The following PARP4 variants were observed in gnomAD, a reference collection of about 807,000 sequenced individuals.
The protein encoded by PARP4 is poly(ADP-ribose) polymerase family member 4, also known as protein mono-ADP-ribosyltransferase PARP4.
Under a neutral mutation model 187.7 loss-of-function variants are expected in PARP4, and 120 were observed. That is an observed-to-expected ratio of 0.64 (90% CI 0.55 to 0.74). The LOEUF is 0.74. Among genes scored for constraint, PARP4 ranks in the 30% least tolerant of loss-of-function variants. The pLI is 0.00. For synonymous variants in PARP4, 654 were observed against 740.9 expected, an observed-to-expected ratio of 0.88 and a Z score of 1.90; for missense variants, 1,836 against 2,070.5, an observed-to-expected ratio of 0.89 and a Z score of 2.20.
intron 32 of PARP4, among the ~76,000 whole-genome samples, chr13:24,430,729 G>A (rs1299877321): frequency 6.6e-6 from 1 of 152,064 alleles, no homozygotes; most frequent in Non-Finnish European, 1.5e-5. Flanking sequence ...GGTCAAGGAT[G>A]CTCAGGACTT....
At chr13:24,497,746 TTAAG>T (rs537042929) in intron 6 of PARP4, among the ~76,000 whole-genome samples, 30 of 152,172 alleles carry the variant, frequency 2.0e-4, no homozygotes, top group East Asian at 3.9e-4. Context: ...AATTGATTAA[TTAAG>T]TGAGATCATA....
chr13:24,446,307 T>G (rs1304731558), intron 27 of PARP4, among the ~76,000 whole-genome samples: 6 of 152,164 alleles, frequency 3.9e-5, no homozygotes, highest in Non-Finnish European at 7.3e-5. Flanking sequence ...CATTAGAAAC[T>G]GAAGGAAAGT....
At chr13:24,500,505 A>G in intron 3 of PARP4, 123 bp from the exon 4 acceptor site, 1 of 517,256 alleles carries the variant, frequency 1.9e-6, no homozygotes, top group Non-Finnish European at 3.4e-6. Flanking sequence ...AATTTTGGTG[A>G]TCAAAGGATA....
intron 12 of PARP4, 63 bp downstream of exon 12, chr13:24,484,590 A>C (rs758770470): frequency 6.3e-6 from 7 of 1,114,078 alleles, no homozygotes; most frequent in Non-Finnish European, 9.6e-6. Context: ...TCACCAAGGA[A>C]AGACAGAAGA....
At chr13:24,464,796 G>T (rs1231275522) in intron 17 of PARP4, among the ~76,000 whole-genome samples, 1 of 152,074 alleles carries the variant, frequency 6.6e-6, no homozygotes, top group African/African-American at 2.4e-5. Context: ...TGACAAATGG[G>T]ATCTAATTAA....
intron 17 of PARP4, among the ~76,000 whole-genome samples, chr13:24,462,197 G>C (rs1359261063): frequency 6.6e-6 from 1 of 152,326 alleles, no homozygotes; most frequent in East Asian, 1.9e-4. Flanking sequence ...CACTGCGGGA[G>C]GGGAAGAGTT....
intron 10 of PARP4, 75 bp downstream of exon 10, chr13:24,490,593 T>C (rs1868582973): frequency 9.1e-7 from 1 of 1,100,976 alleles, no homozygotes; most frequent in Non-Finnish European, 1.3e-6. Flanking sequence ...AGGTAATTAC[T>C]GTAATTAGCT....
intron 33 of PARP4, among the ~76,000 whole-genome samples, chr13:24,425,605 C>CTATATCTATATCTATATATATATATA (rs139404140): frequency 6.8e-6 from 1 of 146,988 alleles, no homozygotes; most frequent in Non-Finnish European, 1.5e-5. Flanking sequence ...ATATCTATAT[C>CTATATCTATATCTATATATATATATA]TATATATCTC....
At chr13:24,457,852 T>A (rs922591271) in intron 20 of PARP4, among the ~76,000 whole-genome samples, 7 of 151,272 alleles carry the variant, frequency 4.6e-5, no homozygotes, top group South Asian at 2.1e-4. Flanking sequence ...AACTTTTTTT[T>A]AATACAATAA....
chr13:24,476,628 C>T (rs1232010022), intron 14 of PARP4, among the ~76,000 whole-genome samples: 2 of 152,188 alleles, frequency 1.3e-5, no homozygotes, highest in Non-Finnish European at 2.9e-5. Context: ...AGATATTTCA[C>T]TTAATGACTC....
chr13:24,452,668 C>G, intron 23 of PARP4, 75 bp from the exon 24 acceptor site: 1 of 1,208,652 alleles, frequency 8.3e-7, no homozygotes, highest in Non-Finnish European at 1.2e-6. Context: ...ATTGACACAT[C>G]TAAGGACAGT....
chr13:24,421,278 T>G lies in PARP4; in HGVS notation c.5016A>C (p.Ala1672=), dbSNP rs918335899. The G allele has an allele frequency of 1.5e-5, 20 of 1,339,880 alleles. No individual in the cohort carries two copies. In the African/African-American group the frequency reaches 2.6e-4, roughly 17 times the overall value. The allele number at this position is 1,339,880 out of a possible 1,614,324, so 83.0% of individuals were successfully genotyped here. A position where few individuals can be genotyped will look rare whatever the true frequency, so the allele number is the denominator to read the frequency against. Residue 1672 remains alanine (A), a synonymous_variant, in exon 34 of 34, where the codon GCA becomes GCC. Transcript: ENST00000381989. ...CTTCAGTTCTTCTTACCCATTCACT[T>G]GCTTGCTTTATTGCCTCAAAAGCCC... is the stretch of plus-strand genomic sequence containing the variant. ...IPWAFEAIKQ[A]SEWVRRTEGQ... is the part of the protein sequence containing the mutation.
intron 13 of PARP4, 53 bp downstream of exon 13, chr13:24,478,040 C>G: frequency 7.2e-7 from 1 of 1,381,174 alleles, no homozygotes; most frequent in Non-Finnish European, 9.8e-7. Context: ...AAAACTAAGG[C>G]CTTTCTTTGA....
chr13:24,492,652 C>A (rs1868724800), intron 8 of PARP4, 58 bp from the exon 9 acceptor site: 3 of 1,371,634 alleles, frequency 2.2e-6, no homozygotes, highest in Non-Finnish European at 3.1e-6. Flanking sequence ...AATTAAGGAG[C>A]ATGCACAAAA....
chr13:24,492,629 A>G (rs1868723075), intron 8 of PARP4, 35 bp from the exon 9 acceptor site: 2 of 1,532,986 alleles, frequency 1.3e-6, no homozygotes, highest in Non-Finnish European at 1.8e-6. Flanking sequence ...TTACAATGAA[A>G]TCTCAATACA....
rs576527176 is a variant in PARP4 at position 24,511,350 on chromosome 13, T to C, written c.-2+1356A>G. 2.9e-4 allele frequency among the ~76,000 whole-genome samples: 44 copies of C among 152,344 alleles called. 1 individual carries two copies. The highest frequency in any genetic ancestry group is 2.6e-4 in the Admixed American group (4 of 15,298). ...AGTTAGTTCATGTTTTCATCAGCGC[T>C]GATTACGTACATATGAGATGTGGCG... is the stretch of plus-strand genomic sequence containing the variant. On this transcript the variant is annotated intron_variant, in intron 1 of 33. Coordinates refer to ENST00000381989, the MANE Select transcript of PARP4 (RefSeq NM_006437.4).
chr13:24,437,189 T>C (rs1300801494), intron 30 of PARP4, among the ~76,000 whole-genome samples: 1 of 152,080 alleles, frequency 6.6e-6, no homozygotes, highest in African/African-American at 2.4e-5. Flanking sequence ...TGGTTCCATA[T>C]CTCTTATCCT....
At chr13:24,450,613 T>C (rs1172183953) in intron 24 of PARP4, among the ~76,000 whole-genome samples, 1 of 152,174 alleles carries the variant, frequency 6.6e-6, no homozygotes, top group Non-Finnish European at 1.5e-5. Context: ...TCAGGGCGGC[T>C]CTCAGAGGAC....
At chr13:24,465,758 G>A (rs1566004307) in intron 17 of PARP4, among the ~76,000 whole-genome samples, 1 of 133,432 alleles carries the variant, frequency 7.5e-6, no homozygotes, top group East Asian at 2.2e-4. Flanking sequence ...TCTTGCACAT[G>A]TATCCCAGAA....
Sources: allele counts gnomAD v4.1 joint callset (sites outside exome capture counted in the v4.1 genomes callset), GRCh38; gene constraint gnomAD v4.1.1; transcripts MANE v1.5; gene names NCBI Gene and HGNC (gene_info 2026-07-23, HGNC 2026-07-21).